Variants in ASXL2 observed in about 807,000 individuals in gnomAD.
The protein encoded by ASXL2 is putative Polycomb group protein ASXL2.
Under a neutral mutation model 122.0 loss-of-function variants are expected in ASXL2, and 23 were observed. That is an observed-to-expected ratio of 0.19 (90% CI 0.14 to 0.27). The LOEUF (loss-of-function observed/expected upper bound fraction) is 0.27. ASXL2 is among the 10% of genes least tolerant of loss of function. The pLI is 1.00. For synonymous variants in ASXL2, 650 were observed against 637.0 expected (o/e 1.02, Z -0.31); for missense variants, 1,518 against 1,713.8 (o/e 0.89, Z 2.02).
intron 8 of ASXL2, among the ~76,000 whole-genome samples, chr2:25,764,549 T>G (rs2088310761): frequency 6.6e-6 from 1 of 152,216 alleles, no homozygotes. Context: ...TGTGGTGGGT[T>G]GGGCAAACTT....
intron 3 of ASXL2, among the ~76,000 whole-genome samples, chr2:25,827,249 T>G (rs2149184474): frequency 6.6e-6 from 1 of 152,262 alleles, no homozygotes; most frequent in African/African-American, 2.4e-5. Flanking sequence ...CAATCATTAT[T>G]CACATATGAA....
In ASXL2 at chr2:25,750,252, GCTT is replaced by G. The variant is rs1290246799; in HGVS notation, c.1301_1303del (p.Glu434del). 6 of 1,613,848 alleles carry G rather than the reference GCTT, an allele frequency of 3.7e-6. No homozygotes were observed. The Admixed American group carries it at 6.7e-5, about 18-fold the overall frequency. On this transcript the variant is annotated inframe_deletion, in exon 12 of 13. Transcript: ENST00000435504. Reference sequence around the variant, plus strand: ...TCTGCCTGGTGATGACATTTGCAATGCTTCTTCTTTACACTCTGACTGGGAGAC... The same window carrying G: ...TCTGCCTGGTGATGACATTTGCAATGCTTCTTTACACTCTGACTGGGAGAC...
rs544855138 is a variant in ASXL2, at chr2:25,793,045, G to C, written c.403+6340C>G. Among the ~76,000 whole-genome samples, 5 of 152,028 alleles carry C rather than the reference G, an allele frequency of 3.3e-5. No individual in the cohort carries two copies. The East Asian group carries it at 9.8e-4, about 30-fold the overall frequency. Reference sequence around the variant, plus strand: ...AGGCGGGCAGATCACTTGAGGCCAGGAGTTTGAGACCAGCCTGCCCAACAT... The same window carrying C: ...AGGCGGGCAGATCACTTGAGGCCAGCAGTTTGAGACCAGCCTGCCCAACAT... On this transcript the variant is annotated intron_variant, in intron 5 of 12. Coordinates refer to ENST00000435504, the MANE Select transcript of ASXL2 (RefSeq NM_018263.6).
At chr2:25,760,334 T>C (rs1220373551) in intron 8 of ASXL2, among the ~76,000 whole-genome samples, 1 of 150,116 alleles carries the variant, frequency 6.7e-6, no homozygotes. Flanking sequence ...GCAAAGGAAA[T>C]TAAAAGGTAA....
chr2:25,755,815 T>C (rs887084523), intron 10 of ASXL2, among the ~76,000 whole-genome samples: 3 of 152,252 alleles, frequency 2.0e-5, no homozygotes, highest in African/African-American at 4.8e-5. Flanking sequence ...TAAAGAAACA[T>C]ATTGCTAGAT....
intron 11 of ASXL2, among the ~76,000 whole-genome samples, chr2:25,751,411 A>G (rs1319049240): frequency 6.6e-6 from 1 of 152,160 alleles, no homozygotes; most frequent in Non-Finnish European, 1.5e-5. Flanking sequence ...AGGTGGGCAG[A>G]TCGCTTGAGC....
intron 3 of ASXL2, chr2:25,822,961 C>A: frequency 2.0e-6 from 1 of 510,300 alleles, no homozygotes; most frequent in South Asian, 1.5e-5. Context: ...GGAATACTGT[C>A]ATCACCTGGA....
At chr2:25,865,014 G>C (rs147000435) in intron 1 of ASXL2, among the ~76,000 whole-genome samples, 61 of 151,430 alleles carry the variant, frequency 4.0e-4, no homozygotes, top group African/African-American at 1.5e-3. Flanking sequence ...TTAGAAAAGG[G>C]GTTTTGCCAT....
intron 1 of ASXL2, among the ~76,000 whole-genome samples, chr2:25,876,007 AT>A (rs1201411689): frequency 1.3e-5 from 2 of 152,002 alleles, no homozygotes. Flanking sequence ...GAACACCGAG[AT>A]TTAGTTTAAT....
intron 1 of ASXL2, among the ~76,000 whole-genome samples, chr2:25,855,711 C>G (rs1574450246): frequency 6.6e-6 from 1 of 150,556 alleles, no homozygotes; most frequent in South Asian, 2.1e-4. Flanking sequence ...CATGCTGGCA[C>G]ACACCTGTGG....
chr2:25,798,759 C>T (rs1267020168), intron 5 of ASXL2, among the ~76,000 whole-genome samples: 1 of 151,848 alleles, frequency 6.6e-6, no homozygotes, highest in Non-Finnish European at 1.5e-5. Context: ...AGTGGAACTC[C>T]GTCTCAAAAA....
chr2:25,783,298 T>C (rs921722557), intron 5 of ASXL2, among the ~76,000 whole-genome samples: 1 of 152,088 alleles, frequency 6.6e-6, no homozygotes, highest in Non-Finnish European at 1.5e-5. Flanking sequence ...TGTATTTTCC[T>C]AGAAAAGTAT....
At chr2:25,843,480 TC>T (rs1248674104) in intron 2 of ASXL2, among the ~76,000 whole-genome samples, 5 of 152,024 alleles carry the variant, frequency 3.3e-5, no homozygotes, top group African/African-American at 1.2e-4. Flanking sequence ...ATGTTTACAC[TC>T]AATTTTTCAG....
intron 9 of ASXL2, among the ~76,000 whole-genome samples, chr2:25,756,571 C>T (rs1256454218): frequency 1.3e-5 from 2 of 151,912 alleles, no homozygotes; most frequent in Non-Finnish European, 2.9e-5. Context: ...TTTGGACATC[C>T]TTGAGATTGA....
intron 3 of ASXL2, among the ~76,000 whole-genome samples, chr2:25,833,022 G>C (rs2089472267): frequency 6.6e-6 from 1 of 152,114 alleles, no homozygotes; most frequent in Non-Finnish European, 1.5e-5. Flanking sequence ...TATAAGGAAG[G>C]GGGGCAAGGG....
At chr2:25,830,198 T>C (rs2089433446) in intron 3 of ASXL2, among the ~76,000 whole-genome samples, 1 of 152,208 alleles carries the variant, frequency 6.6e-6, no homozygotes, top group African/African-American at 2.4e-5. Context: ...GTAAGCACAG[T>C]GAATGCCAGC....
intron 8 of ASXL2, among the ~76,000 whole-genome samples, chr2:25,763,256 T>G (rs533662397): frequency 6.6e-6 from 1 of 152,244 alleles, no homozygotes; most frequent in Admixed American, 6.5e-5. Flanking sequence ...TTTAGGAGGC[T>G]GAGGCGGGCG....
At chr2:25,857,093 G>GGGA (rs2089789507) in intron 1 of ASXL2, 1 of 116,198 alleles carries the variant, frequency 8.6e-6, no homozygotes, top group African/African-American at 3.2e-5. Context: ...GGGGGGGCGG[G>GGGA]GGGGGGGAGA....
At chr2:25,802,929 G>A (rs182218819) in intron 4 of ASXL2, among the ~76,000 whole-genome samples, 123 of 152,210 alleles carry the variant, frequency 8.1e-4, no homozygotes, top group African/African-American at 2.8e-3. Context: ...TCAGGGGTTC[G>A]AGACCAGCCT....
Sources: gnomAD v4.1 joint callset for allele counts (sites outside exome capture counted in the v4.1 genomes callset) on GRCh38, gnomAD v4.1.1 for gene constraint, MANE v1.5 for transcripts, NCBI Gene and HGNC (gene_info 2026-07-23, HGNC 2026-07-21) for gene names.